Variants in ZFC3H1 observed in about 807,000 individuals in gnomAD.
ZFC3H1 encodes the protein zinc finger C3H1-type containing.
A neutral mutation model predicts 243.7 loss-of-function variants in ZFC3H1; 71 were observed. That is an observed-to-expected ratio of 0.29 (90% CI 0.24 to 0.36). ZFC3H1 has a LOEUF of 0.36. Ranked by LOEUF, ZFC3H1 falls within the 10% of genes least tolerant of loss-of-function variation. The pLI is 1.00. For synonymous variants in ZFC3H1, 838 were observed against 813.0 expected (o/e 1.03, Z -0.52); for missense variants, 1,966 against 2,317.1 (o/e 0.85, Z 3.11).
At chr12:71,644,764 G>C (rs1880685664) in intron 4 of ZFC3H1, 113 bp downstream of exon 4, 2 of 1,242,404 alleles carry the variant, frequency 1.6e-6, no homozygotes, top group South Asian at 3.1e-5. Context: ...GTTGCAGTAA[G>C]CAAAGATCAT....
intron 11 of ZFC3H1, 76 bp downstream of exon 11, chr12:71,634,628 G>C: frequency 6.9e-7 from 1 of 1,452,060 alleles, no homozygotes; most frequent in South Asian, 1.3e-5. Flanking sequence ...TCATTCCCCA[G>C]TGCCAAGAAA....
Position 71,619,908 on chromosome 12 carries a change from A to G in ZFC3H1, c.5049+18T>C. 1 of 1,568,542 alleles carries G rather than the reference A, an allele frequency of 6.4e-7. No homozygotes were observed. The highest frequency in any genetic ancestry group is 1.2e-5 in the South Asian group (1 of 84,900). Reference sequence around the variant, plus strand: ...AAACATAAAAGCATCATATTTAAGAATTATGCATCATTTTTACCTGTAAGA... The same window carrying G: ...AAACATAAAAGCATCATATTTAAGAGTTATGCATCATTTTTACCTGTAAGA... On this transcript the variant is annotated intron_variant, in intron 26 of 34. Transcript: ENST00000378743.
At chr12:71,656,776 G>A (rs1881029425) in intron 2 of ZFC3H1, 109 bp downstream of exon 2, 1 of 1,175,150 alleles carries the variant, frequency 8.5e-7, no homozygotes, top group Non-Finnish European at 1.2e-6. Flanking sequence ...AAGTACAAAA[G>A]AATTTACAGA....
At chr12:71,656,422 C>T in intron 2 of ZFC3H1, 1 of 576,178 alleles carries the variant, frequency 1.7e-6, no homozygotes, top group Non-Finnish European at 3.0e-6. Context: ...TTATATAATT[C>T]ATTACACTAA....
intron 30 of ZFC3H1, among the ~76,000 whole-genome samples, chr12:71,614,267 T>C (rs1369285998): frequency 7.5e-6 from 1 of 132,978 alleles, no homozygotes; most frequent in African/African-American, 2.6e-5. Flanking sequence ...TTAATATGTA[T>C]TACATCTTAA....
chr12:71,632,480 A>C lies in ZFC3H1; in HGVS notation c.2852T>G (p.Val951Gly). Residue 951 changes from valine (V) to glycine (G), a missense_variant, in exon 15 of 35, where the codon GTA (valine) becomes GGA (glycine). Coordinates refer to ENST00000378743, the MANE Select transcript of ZFC3H1 (RefSeq NM_144982.5). ...NKMMRLDSSP[V>G]SSPRKHSAEL... ...TGCTGAATGCTTTCTTGGACTTGAT[A>C]CTGGAGAACTGTCCAGTCTCATCAT... The C allele has an allele frequency of 6.3e-7, 1 of 1,592,266 alleles. No homozygotes were observed. Among genetic ancestry groups the C allele is most frequent in the Admixed American group, 1.8e-5 (1 of 57,102 alleles).
chr12:71,610,199 T>C lies in ZFC3H1; in HGVS notation c.*229A>G, dbSNP rs1475357760. 1.9e-5 allele frequency: 8 copies of C among 423,640 alleles called. No homozygotes were observed. Among genetic ancestry groups the C allele is most frequent in the Non-Finnish European group, 3.4e-5 (8 of 238,096 alleles). The allele number at this position is 423,640 out of a possible 1,614,324, so 26.2% of individuals were successfully genotyped here. On this transcript the variant is annotated 3_prime_UTR_variant, in exon 35 of 35. Coordinates refer to ENST00000378743, the MANE Select transcript of ZFC3H1 (RefSeq NM_144982.5). The stretch of plus-strand genomic sequence containing the variant: ...ACTTACGTATATGATGTTATGAGAA[T>C]CTGGCAGGGCCTAGAAGCAGGCCAA...
chr12:71,617,843 C>A (rs1312527922), intron 27 of ZFC3H1, among the ~76,000 whole-genome samples: 3 of 152,234 alleles, frequency 2.0e-5, no homozygotes, highest in African/African-American at 7.2e-5. Context: ...GAAAGAAGGG[C>A]CCTTTGGGAA....
chr12:71,623,438 T>C lies in ZFC3H1; in HGVS notation c.4666A>G (p.Thr1556Ala). The change falls in exon 24 of 35, where the codon ACT becomes GCT. Residue 1556 changes from threonine (T) to alanine (A), a missense_variant. Transcript: ENST00000378743. Reference sequence around the variant, plus strand: ...TGCCATGGCATTACAAATGATTCAGTGTTAACAATTCTTGAAGGATTATCA... The same window carrying C: ...TGCCATGGCATTACAAATGATTCAGCGTTAACAATTCTTGAAGGATTATCA... ...SNDNPSRIVN[T>A]ESFVMPWQAV... is the part of the protein sequence containing the mutation. 7 of 1,613,776 alleles carry C rather than the reference T, an allele frequency of 4.3e-6. No individual in the cohort carries two copies. The highest frequency in any genetic ancestry group is 2.2e-5 in the South Asian group (2 of 91,044).
At chr12:71,648,126 A>T (rs553939033) in intron 2 of ZFC3H1, among the ~76,000 whole-genome samples, 3 of 152,220 alleles carry the variant, frequency 2.0e-5, no homozygotes, top group Non-Finnish European at 4.4e-5. Context: ...CATAGAAACA[A>T]GCAGCAACAC....
intron 22 of ZFC3H1, 120 bp from the exon 23 acceptor site, chr12:71,624,412 T>C (rs1880107120): frequency 9.2e-7 from 1 of 1,081,562 alleles, no homozygotes. Context: ...GCAAAAAGGA[T>C]TACTGTAAAA....
At chr12:71,633,948 G>A (rs577939129) in intron 12 of ZFC3H1, among the ~76,000 whole-genome samples, 31 of 152,276 alleles carry the variant, frequency 2.0e-4, no homozygotes, top group South Asian at 4.1e-4. Context: ...GTGAGCCACC[G>A]CGCCTGGCCG....
Position 71,611,872 on chromosome 12 carries a change from T to C in ZFC3H1, c.5643A>G (p.Glu1881=), listed in dbSNP as rs376302633. ...GAATCTGAACATTGCTTTCTTCCCA[T>C]TCATGTTGAAGTAACCTGTAAAGTA... ...SGLALRLLQH[E]WEESNVQILK... Residue 1881 remains glutamate (E), a synonymous_variant, in exon 32 of 35, where the codon GAA becomes GAG. Coordinates refer to ENST00000378743, the MANE Select transcript of ZFC3H1 (RefSeq NM_144982.5). 1.2e-5 allele frequency: 20 copies of C among 1,601,514 alleles called. No homozygotes were observed. The highest frequency in any genetic ancestry group is 1.6e-5 in the Non-Finnish European group (19 of 1,172,650).
chr12:71,616,621 TACC>T (rs1879900315), intron 27 of ZFC3H1, among the ~76,000 whole-genome samples: 1 of 152,190 alleles, frequency 6.6e-6, no homozygotes, highest in Non-Finnish European at 1.5e-5. Context: ...GTATGATACT[TACC>T]ACCATCTTTA....
chr12:71,656,243 A>C (rs1881015351), intron 2 of ZFC3H1: 1 of 243,690 alleles, frequency 4.1e-6, no homozygotes, highest in Admixed American at 5.4e-5. Context: ...AAACCTGAAG[A>C]ACTACACACT....
chr12:71,630,921 A>T lies in ZFC3H1; in HGVS notation c.3504T>A (p.Leu1168=). The change falls in exon 17 of 35, where the codon CTT becomes CTA. Residue 1168 remains leucine (L), a synonymous_variant. Transcript: ENST00000378743. ...TACTGTATGATACTGAGCTCAGGGG[A>T]AGTTTTTCCTTGGTTCGATAATATG... ...FSPYYRTKEK[L]PLSSVSYSNM... The T allele has an allele frequency of 6.2e-7, 1 of 1,612,262 alleles. No homozygotes were observed. The highest frequency in any genetic ancestry group is 8.5e-7 in the Non-Finnish European group (1 of 1,178,784).
At chr12:71,654,293 T>G (rs763103026) in intron 2 of ZFC3H1, among the ~76,000 whole-genome samples, 11 of 151,888 alleles carry the variant, frequency 7.2e-5, no homozygotes, top group South Asian at 2.1e-4. Flanking sequence ...TTTTAAAACA[T>G]AGCCGGGCAT....
Position 71,632,013 on chromosome 12 carries a change from T to G in ZFC3H1, c.3319A>C (p.Lys1107Gln). The G allele has an allele frequency of 6.2e-7, 1 of 1,601,202 alleles. No homozygotes were observed. Among genetic ancestry groups the G allele is most frequent in the Non-Finnish European group, 8.5e-7 (1 of 1,175,814 alleles). ...KADSLKQLIL[K>Q]TTTGITEKVL... The stretch of plus-strand genomic sequence containing the variant: ...TTCTCTGTAATGCCTGTGGTGGTTT[T>G]TAAAATCAGCTGTTTTAGGCTGTCA... The change falls in exon 15 of 35, where the codon AAA becomes CAA. Residue 1107 changes from lysine (K) to glutamine (Q), a missense_variant. Coordinates refer to ENST00000378743, the MANE Select transcript of ZFC3H1 (RefSeq NM_144982.5).
At chr12:71,620,649 A>C (rs1436830132) in intron 24 of ZFC3H1, among the ~76,000 whole-genome samples, 2 of 152,178 alleles carry the variant, frequency 1.3e-5, no homozygotes, top group Non-Finnish European at 2.9e-5. Context: ...ACAAAAAAAA[A>C]ATTACAGAAT....
Sources: gnomAD v4.1 joint callset for allele counts (sites outside exome capture counted in the v4.1 genomes callset) on GRCh38, gnomAD v4.1.1 for gene constraint, MANE v1.5 for transcripts, NCBI Gene and HGNC (gene_info 2026-07-23, HGNC 2026-07-21) for gene names.